The following ENDOD1 variants were observed in gnomAD, a reference collection of about 807,000 sequenced individuals.
ENDOD1 encodes the protein endonuclease domain-containing 1 protein.
A neutral mutation model predicts 6.5 loss-of-function variants in ENDOD1; 9 were observed. The ratio of observed to expected loss-of-function variants is 1.39; its 90% CI spans 0.84 to 2.43. The LOEUF (loss-of-function observed/expected upper bound fraction) is 2.43. Ranked by LOEUF, ENDOD1 falls within the 30% of genes most tolerant of loss-of-function variation. The pLI is 0.00. For missense variants in ENDOD1, 648 were observed against 635.5 expected (o/e 1.02, Z -0.21); for synonymous variants, 255 against 255.2 (o/e 1.00, Z 0.01).
In ENDOD1 at chr11:95,129,264, C is replaced by G. The variant is rs1444447442; in HGVS notation, c.1188C>G (p.Ser396Arg). The G allele has an allele frequency of 1.9e-6, 3 of 1,614,050 alleles. No homozygotes were observed. In the African/African-American group the frequency reaches 4.0e-5, roughly 22 times the overall value. The stretch of plus-strand genomic sequence containing the variant: ...TGGCCATTGGGGAAGAGTTGGTGAG[C>G]ATTCCCTGGAAGGTGCTCAAGGTCG... ...YFMAIGEELV[S>R]IPWKVLKVVA... Residue 396 changes from serine (S) to arginine (R), a missense_variant, in exon 2 of 2, where the codon AGC (serine) becomes AGG (arginine). Coordinates refer to ENST00000278505, the MANE Select transcript of ENDOD1 (RefSeq NM_015036.3).
At chr11:95,104,308 C>T (rs539931190) in intron 1 of ENDOD1, among the ~76,000 whole-genome samples, 1 of 152,146 alleles carries the variant, frequency 6.6e-6, no homozygotes, top group Admixed American at 6.5e-5. Flanking sequence ...ATTAGCTGGG[C>T]ATGGTGGCAC....
chr11:95,116,270 T>C (rs1235899374), intron 1 of ENDOD1, among the ~76,000 whole-genome samples: 2 of 152,230 alleles, frequency 1.3e-5, no homozygotes, highest in Admixed American at 1.3e-4. Flanking sequence ...TTCCAATTTA[T>C]TGGCATACAG....
chr11:95,113,144 CAT>C lies in ENDOD1; in HGVS notation c.301-15232_301-15231del, dbSNP rs565166672. Among the ~76,000 whole-genome samples the C allele has an allele frequency of 1.1e-4, 16 of 151,658 alleles. No homozygotes were observed. In the East Asian group the frequency reaches 2.7e-3, roughly 26 times the overall value. On this transcript the variant is annotated intron_variant, in intron 1 of 1. Transcript: ENST00000278505. ...AGTAGGTATATATATTTATGGGTAA[CAT>C]GAGATATTTTGATACAGGCATGCAA... is the stretch of plus-strand genomic sequence containing the variant.
intron 1 of ENDOD1, among the ~76,000 whole-genome samples, chr11:95,121,966 G>T (rs2134173240): frequency 6.6e-6 from 1 of 152,314 alleles, no homozygotes; most frequent in East Asian, 1.9e-4. Flanking sequence ...GGATACTAAA[G>T]AGGAAGATCA....
chr11:95,129,812 C>G lies in ENDOD1; in HGVS notation c.*233C>G. Reference sequence around the variant, plus strand: ...TACCTCCAGTTATATGTGCAAACTCCCAAGCCACTAATAACTTCAGTTATG... The same window carrying G: ...TACCTCCAGTTATATGTGCAAACTCGCAAGCCACTAATAACTTCAGTTATG... On this transcript the variant is annotated 3_prime_UTR_variant, in exon 2 of 2. Transcript: ENST00000278505. 2 of 499,888 alleles carry G rather than the reference C, an allele frequency of 4.0e-6. No individual in the cohort carries two copies. Among genetic ancestry groups the G allele is most frequent in the Non-Finnish European group, 7.2e-6 (2 of 279,644 alleles). 31.0% of individuals were successfully genotyped at this position (499,888 alleles called of 1,614,324 possible).
chr11:95,096,029 G>A (rs537698872), intron 1 of ENDOD1, among the ~76,000 whole-genome samples: 1 of 152,026 alleles, frequency 6.6e-6, no homozygotes, highest in African/African-American at 2.4e-5. Flanking sequence ...TTTTAGCTCC[G>A]TTACTGGTGA....
At chr11:95,110,553 T>G (rs1812564196) in intron 1 of ENDOD1, among the ~76,000 whole-genome samples, 1 of 151,498 alleles carries the variant, frequency 6.6e-6, no homozygotes. Context: ...CTGACAACTC[T>G]TTTTTGCTGA....
chr11:95,114,197 GC>G (rs1859178923), intron 1 of ENDOD1, among the ~76,000 whole-genome samples: 1 of 152,166 alleles, frequency 6.6e-6, no homozygotes, highest in South Asian at 2.1e-4. Context: ...GCTCACTGCA[GC>G]CTCTACCTCC....
rs751813925 is a variant in ENDOD1, at chr11:95,129,587, A to T, written c.*8A>T. 16 of 1,602,830 alleles carry T rather than the reference A, an allele frequency of 1.0e-5. No individual in the cohort carries two copies. In the East Asian group the frequency reaches 3.6e-4, roughly 36 times the overall value. On this transcript the variant is annotated 3_prime_UTR_variant, in exon 2 of 2. Coordinates refer to ENST00000278505, the MANE Select transcript of ENDOD1 (RefSeq NM_015036.3). ...AATTCTGGGGAGTTATAAACTCAAAAAACTAATAGTATCCAGTCACAGTGA... is the reference window on the plus strand; with the variant it reads ...AATTCTGGGGAGTTATAAACTCAAATAACTAATAGTATCCAGTCACAGTGA...
At chr11:95,092,852 G>A (rs552429830) in intron 1 of ENDOD1, among the ~76,000 whole-genome samples, 4 of 152,290 alleles carry the variant, frequency 2.6e-5, no homozygotes, top group African/African-American at 9.6e-5. Context: ...TACCCTTGGC[G>A]GCTTCCAAGC....
chr11:95,128,590 G>C lies in ENDOD1; in HGVS notation c.514G>C (p.Glu172Gln), dbSNP rs141647021. The C allele has an allele frequency of 4.5e-5, 72 of 1,614,214 alleles. 1 individual carries two copies. In the East Asian group the frequency reaches 1.6e-3, roughly 35 times the overall value. Residue 172 changes from glutamate to glutamine, a missense_variant, in exon 2 of 2, where the codon GAA becomes CAA. Coordinates refer to ENST00000278505, the MANE Select transcript of ENDOD1 (RefSeq NM_015036.3). ...NSAPMTQSFQERWYVNLHSLM... is the reference protein window; with the variant it reads ...NSAPMTQSFQQRWYVNLHSLM... ...AGCCCCAATGACTCAGTCCTTCCAG[G>C]AACGGTGGTATGTGAATCTCCACAG...
At chr11:95,090,355 C>G in intron 1 of ENDOD1, 128 bp downstream of exon 1, 1 of 1,244,082 alleles carries the variant, frequency 8.0e-7, no homozygotes, top group Non-Finnish European at 1.0e-6. Flanking sequence ...TGCCTTGGGC[C>G]AAGAAACCCG....
intron 1 of ENDOD1, among the ~76,000 whole-genome samples, chr11:95,093,735 G>A (rs946489711): frequency 9.9e-5 from 15 of 152,148 alleles, no homozygotes; most frequent in Non-Finnish European, 1.5e-4. Context: ...TCAGTGGGGC[G>A]CTTCCTGTTT....
intron 1 of ENDOD1, among the ~76,000 whole-genome samples, chr11:95,127,741 T>C (rs1463843140): frequency 1.4e-5 from 2 of 147,574 alleles, no homozygotes; most frequent in East Asian, 4.1e-4. Context: ...AAAAGAATTA[T>C]GAAGTTCATG....
intron 1 of ENDOD1, among the ~76,000 whole-genome samples, chr11:95,095,891 G>GT (rs1241004758): frequency 6.6e-6 from 1 of 152,162 alleles, no homozygotes; most frequent in Non-Finnish European, 1.5e-5. Context: ...TAAAATGTTA[G>GT]TTTTTTCTCT....
intron 1 of ENDOD1, among the ~76,000 whole-genome samples, chr11:95,091,443 G>T (rs782501548): frequency 2.0e-5 from 3 of 152,126 alleles, no homozygotes; most frequent in Non-Finnish European, 4.4e-5. Context: ...AACACTTGTC[G>T]AGATCAGGCA....
rs775480539 is a variant in ENDOD1, at chr11:95,130,010, TA to T, written c.*441del. On this transcript the variant is annotated 3_prime_UTR_variant, in exon 2 of 2. Transcript: ENST00000278505. ...CTTTGTGATTTAAGGCAAAACAGAT[TA>T]AAAAAAAAATCTGCAGCCAATTTCT... 4.7e-3 allele frequency: 708 copies of T among 152,102 alleles called. 4 individuals are homozygous for T. The highest frequency in any genetic ancestry group is 0.014 in the African/African-American group (586 of 41,168). 9.4% of individuals were successfully genotyped at this position (152,102 alleles called of 1,614,324 possible).
intron 1 of ENDOD1, among the ~76,000 whole-genome samples, chr11:95,125,749 CGT>C (rs1270810622): frequency 6.6e-6 from 1 of 152,026 alleles, no homozygotes; most frequent in Admixed American, 6.6e-5. Flanking sequence ...CAGCTTCATC[CGT>C]GTCCCTACAA....
In ENDOD1 at chr11:95,127,088, A is replaced by G. The variant is rs1470994972; in HGVS notation, c.301-1289A>G. On this transcript the variant is annotated intron_variant, in intron 1 of 1. Coordinates refer to ENST00000278505, the MANE Select transcript of ENDOD1 (RefSeq NM_015036.3). ...ATGTGGGATGGTTCCACTTGCTGCT[A>G]TTATAAATACTGCCGCCCCAGGGCA... 3.9e-5 allele frequency among the ~76,000 whole-genome samples: 6 copies of G among 152,294 alleles called. No individual in the cohort carries two copies. In the South Asian group the frequency reaches 1.2e-3, roughly 32 times the overall value.
Sources: allele counts gnomAD v4.1 joint callset (sites outside exome capture counted in the v4.1 genomes callset), GRCh38; gene constraint gnomAD v4.1.1; transcripts MANE v1.5; gene names NCBI Gene and HGNC (gene_info 2026-07-23, HGNC 2026-07-21).